The following HEATR5A variants were observed in gnomAD, a reference collection of about 807,000 sequenced individuals.
HEATR5A encodes HEAT repeat-containing protein 5A.
In HEATR5A, 178 loss-of-function variants were observed where a neutral mutation model predicts 218.8. That is an observed-to-expected ratio of 0.81 (90% CI 0.72 to 0.92). HEATR5A has a LOEUF of 0.92. Ranked by LOEUF, HEATR5A falls within the 40% of genes least tolerant of loss-of-function variation. HEATR5A has a pLI of 0.00. For missense variants in HEATR5A, 2,420 were observed against 2,418.9 expected (o/e 1.00, Z -0.01); for synonymous variants, 864 against 871.6 (o/e 0.99, Z 0.15).
chr14:31,350,006 CT>C, intron 17 of HEATR5A, 27 bp from the exon 18 acceptor site: 1 of 1,441,906 alleles, frequency 6.9e-7, no homozygotes, highest in Non-Finnish European at 9.3e-7. Context: ...ACAACCCAAA[CT>C]TACAATTGTA....
intron 11 of HEATR5A, among the ~76,000 whole-genome samples, chr14:31,377,765 T>G (rs556433421): frequency 6.6e-6 from 1 of 151,832 alleles, no homozygotes; most frequent in Non-Finnish European, 1.5e-5. Flanking sequence ...GGTGACAGAG[T>G]GAGACCCTGT....
intron 22 of HEATR5A, among the ~76,000 whole-genome samples, chr14:31,336,285 G>A (rs569814024): frequency 9.2e-4 from 126 of 137,676 alleles, no homozygotes; most frequent in Non-Finnish European, 1.7e-3. Context: ...ATAGAGATGA[G>A]GTCTCACTAT....
At chr14:31,394,623 G>A (rs905161667) in intron 5 of HEATR5A, among the ~76,000 whole-genome samples, 4 of 152,022 alleles carry the variant, frequency 2.6e-5, no homozygotes, top group South Asian at 2.1e-4. Flanking sequence ...AGACCATCCT[G>A]GCTAAGATGG....
chr14:31,403,256 A>T (rs1050273854), intron 1 of HEATR5A, among the ~76,000 whole-genome samples: 2 of 152,188 alleles, frequency 1.3e-5, no homozygotes, highest in African/African-American at 4.8e-5. Context: ...AGGCAAAAAT[A>T]GAGTAGCAAT....
chr14:31,303,898 A>T (rs1899469391), intron 32 of HEATR5A, among the ~76,000 whole-genome samples: 2 of 152,156 alleles, frequency 1.3e-5, no homozygotes, highest in Admixed American at 1.3e-4. Flanking sequence ...AGAGAACCTT[A>T]AATGCTATGT....
intron 1 of HEATR5A, among the ~76,000 whole-genome samples, chr14:31,411,122 C>T (rs1483811846): frequency 6.6e-6 from 1 of 151,932 alleles, no homozygotes; most frequent in East Asian, 1.9e-4. Context: ...TAAACAGTGG[C>T]AGTACAAATG....
rs1195757722 is a variant in HEATR5A at position 31,400,365 on chromosome 14, T to C, written c.274A>G (p.Ile92Val). ...IGDTFSVHEA[I>V]DKCNDLIRSK... ...CGAATAAGATCATTACATTTATCGA[T>C]TGCTTCATGAACGGAGAATGTGTCT... The change falls in exon 3 of 36, where the codon ATC becomes GTC. Residue 92 changes from isoleucine to valine, a missense_variant. Ile to Val is a conservative substitution (Grantham distance 29). Transcript: ENST00000543095. 1.3e-6 allele frequency: 2 copies of C among 1,535,982 alleles called. No homozygotes were observed. The highest frequency in any genetic ancestry group is 8.7e-7 in the Non-Finnish European group (1 of 1,146,788).
chr14:31,303,319 G>T (rs987410651), intron 32 of HEATR5A, among the ~76,000 whole-genome samples: 5 of 152,114 alleles, frequency 3.3e-5, no homozygotes, highest in African/African-American at 1.2e-4. Flanking sequence ...TGTAGTCCCA[G>T]ATACTCGGGA....
rs573097575 is a variant in HEATR5A, at chr14:31,292,505, T to C, written c.*800A>G. 6.6e-6 allele frequency: 1 copy of C among 152,324 alleles called. No homozygotes were observed. Among genetic ancestry groups the C allele is most frequent in the East Asian group, 1.9e-4 (1 of 5,194 alleles). The allele number at this position is 152,324 out of a possible 1,614,324, so 9.4% of individuals were successfully genotyped here. On this transcript the variant is annotated 3_prime_UTR_variant, in exon 36 of 36. Transcript: ENST00000543095. ...TATACTGGATAATCCTAGACCAGGT[T>C]TCCTAAATAGCTCTCCAATCATTTT... is the stretch of plus-strand genomic sequence containing the variant.
At position 31,394,077 on chromosome 14, in the gene HEATR5A, A is replaced by G. The variant is rs1408966183; in HGVS notation, c.747T>C (p.Ala249=). The G allele has an allele frequency of 6.6e-7, 1 of 1,525,324 alleles. No individual in the cohort carries two copies. Among genetic ancestry groups the G allele is most frequent in the Non-Finnish European group, 8.8e-7 (1 of 1,142,846 alleles). The allele number at this position is 1,525,324 out of a possible 1,614,324, so 94.5% of individuals were successfully genotyped here. Residue 249 remains alanine, a synonymous_variant, in exon 6 of 36, where the codon GCT becomes GCC. Transcript: ENST00000543095. ...CTGTTCCTGGATGTTTAGAAATTAC[A>G]GCTTTAGCTAATATTATGCCTAGTA... The part of the protein sequence containing the change: ...SKLLGIILAK[A]VISKHPGTAA...
At chr14:31,377,363 G>A (rs979505453) in intron 11 of HEATR5A, among the ~76,000 whole-genome samples, 2 of 152,034 alleles carry the variant, frequency 1.3e-5, no homozygotes, top group Admixed American at 6.6e-5. Flanking sequence ...AATAATGATC[G>A]CAAGTGATTA....
rs1404816194 is a variant in HEATR5A, at chr14:31,402,937, T to C, written c.39A>G (p.Ala13=). The change falls in exon 2 of 36, where the codon GCA becomes GCG. Residue 13 remains alanine, a synonymous_variant. Coordinates refer to ENST00000543095, the MANE Select transcript of HEATR5A (RefSeq NM_015473.4). Reference sequence around the variant, plus strand: ...TCTGAACTTCACCTAGTTGATTGTATGCTTCTTCATTCAGCAGTAAGCTAT... The same window carrying C: ...TCTGAACTTCACCTAGTTGATTGTACGCTTCTTCATTCAGCAGTAAGCTAT... ...LAHSLLLNEE[A]YNQLGEVQKA... is the part of the protein sequence containing the mutation. 2.1e-5 allele frequency: 32 copies of C among 1,536,186 alleles called. No individual in the cohort carries two copies. The highest frequency in any genetic ancestry group is 2.6e-5 in the Non-Finnish European group (30 of 1,146,800).
intron 11 of HEATR5A, among the ~76,000 whole-genome samples, chr14:31,377,082 C>T (rs1212950078): frequency 6.7e-6 from 1 of 149,708 alleles, no homozygotes; most frequent in Non-Finnish European, 1.5e-5. Context: ...TATGATGGTG[C>T]CACTGTACTC....
chr14:31,378,861 G>C (rs1383902471), intron 11 of HEATR5A, among the ~76,000 whole-genome samples: 1 of 151,270 alleles, frequency 6.6e-6, no homozygotes, highest in African/African-American at 2.4e-5. Flanking sequence ...TCTAATTTAA[G>C]CTCCTTTAGG....
chr14:31,302,937 A>C (rs951435334), intron 32 of HEATR5A, among the ~76,000 whole-genome samples: 4 of 78,070 alleles, frequency 5.1e-5, no homozygotes, highest in Admixed American at 1.4e-4. Flanking sequence ...CTTCATCTTT[A>C]CAAAAAAAAA....
chr14:31,325,494 A>G (rs1376887920), intron 23 of HEATR5A, among the ~76,000 whole-genome samples: 1 of 151,192 alleles, frequency 6.6e-6, no homozygotes, highest in Admixed American at 6.6e-5. Context: ...ATATGTATGT[A>G]TGTATGTATG....
At chr14:31,397,716 T>A (rs2030711658) in intron 4 of HEATR5A, among the ~76,000 whole-genome samples, 1 of 151,038 alleles carries the variant, frequency 6.6e-6, no homozygotes, top group South Asian at 2.1e-4. Flanking sequence ...TGGAGTCCAG[T>A]GGCATGACCA....
At chr14:31,397,742 T>C (rs1423371734) in intron 4 of HEATR5A, among the ~76,000 whole-genome samples, 1 of 151,958 alleles carries the variant, frequency 6.6e-6, no homozygotes, top group Non-Finnish European at 1.5e-5. Flanking sequence ...CACGACAGCC[T>C]CGAACTCCTG....
intron 13 of HEATR5A, among the ~76,000 whole-genome samples, chr14:31,370,031 C>T (rs10145767): frequency 6.6e-6 from 1 of 151,552 alleles, no homozygotes; most frequent in African/African-American, 2.4e-5. Flanking sequence ...TCGAGACCAT[C>T]CTGGCTAACA....
Sources: gnomAD v4.1 joint callset for allele counts (sites outside exome capture counted in the v4.1 genomes callset) on GRCh38, gnomAD v4.1.1 for gene constraint, MANE v1.5 for transcripts, NCBI Gene and HGNC (gene_info 2026-07-23, HGNC 2026-07-21) for gene names.